Variants in TBC1D22A observed in about 807,000 individuals in gnomAD.
The protein encoded by TBC1D22A is putative GTPase activator.
TBC1D22A carries 38 observed loss-of-function variants against 60.2 expected under a neutral mutation model. That is an observed-to-expected ratio of 0.63 (90% confidence interval 0.49 to 0.83). The LOEUF is 0.83. TBC1D22A is among the 40% of genes least tolerant of loss of function. The pLI, the probability that TBC1D22A is intolerant of heterozygous loss-of-function variation, is 0.00. For synonymous variants in TBC1D22A, 302 were observed against 281.7 expected (o/e 1.07, Z -0.72); for missense variants, 628 against 701.0 (o/e 0.90, Z 1.18).
intron 5 of TBC1D22A, among the ~76,000 whole-genome samples, chr22:46,881,700 A>G (rs979096606): frequency 6.6e-6 from 1 of 152,194 alleles, no homozygotes; most frequent in Non-Finnish European, 1.5e-5. Context: ...GGGACAGGTA[A>G]GGGAGTTGAG....
chr22:47,112,382 G>T (rs2065882741), intron 12 of TBC1D22A, among the ~76,000 whole-genome samples: 1 of 152,206 alleles, frequency 6.6e-6, no homozygotes, highest in South Asian at 2.1e-4. Flanking sequence ...GCTGGCTGGG[G>T]TCAGCCACAC....
chr22:46,866,004 G>A (rs2067034817), intron 4 of TBC1D22A, among the ~76,000 whole-genome samples: 1 of 152,174 alleles, frequency 6.6e-6, no homozygotes, highest in Non-Finnish European at 1.5e-5. Flanking sequence ...GAAACAGAAG[G>A]AGAAACCGTT....
chr22:47,079,417 A>G (rs2064366612), intron 11 of TBC1D22A, among the ~76,000 whole-genome samples: 1 of 152,174 alleles, frequency 6.6e-6, no homozygotes, highest in Admixed American at 6.5e-5. Context: ...GAAAAATTGA[A>G]GTTTCATTTC....
At chr22:46,883,805 C>G (rs576583438) in intron 5 of TBC1D22A, among the ~76,000 whole-genome samples, 2 of 152,214 alleles carry the variant, frequency 1.3e-5, no homozygotes, top group Non-Finnish European at 2.9e-5. Context: ...GCTCTGTTTC[C>G]GGCCTTGCCC....
At chr22:46,839,739 A>C (rs548893505) in intron 4 of TBC1D22A, among the ~76,000 whole-genome samples, 31 of 152,250 alleles carry the variant, frequency 2.0e-4, no homozygotes, top group African/African-American at 2.9e-4. Context: ...ATTGGCATAA[A>C]AACTGACATA....
At chr22:46,941,239 T>TCACACACACA (rs1569247417) in intron 8 of TBC1D22A, among the ~76,000 whole-genome samples, 1 of 73,456 alleles carries the variant, frequency 1.4e-5, no homozygotes, top group African/African-American at 6.1e-5. Context: ...ACACACACAG[T>TCACACACACA]CCACCCTTGA....
At chr22:47,049,618 C>T (rs1427394976) in intron 11 of TBC1D22A, among the ~76,000 whole-genome samples, 1 of 152,228 alleles carries the variant, frequency 6.6e-6, no homozygotes, top group African/African-American at 2.4e-5. Context: ...TCTTTTCCAT[C>T]CTTTTCTACG....
chr22:47,058,269 G>T (rs925085735), intron 11 of TBC1D22A, among the ~76,000 whole-genome samples: 1 of 152,166 alleles, frequency 6.6e-6, no homozygotes, highest in Admixed American at 6.5e-5. Flanking sequence ...TGCCGTGCAG[G>T]CCTGGAGCTG....
At chr22:47,092,456 G>A (rs1363231422) in intron 11 of TBC1D22A, among the ~76,000 whole-genome samples, 1 of 152,202 alleles carries the variant, frequency 6.6e-6, no homozygotes, top group Admixed American at 6.5e-5. Context: ...GAGAGTGAAC[G>A]AGGATGCCCA....
intron 4 of TBC1D22A, among the ~76,000 whole-genome samples, chr22:46,845,067 C>G (rs937586615): frequency 6.6e-6 from 1 of 152,166 alleles, no homozygotes; most frequent in African/African-American, 2.4e-5. Context: ...GTCTTTGATT[C>G]CTGCATTATC....
intron 11 of TBC1D22A, among the ~76,000 whole-genome samples, chr22:47,043,291 G>A (rs1424099345): frequency 1.3e-5 from 2 of 152,192 alleles, no homozygotes; most frequent in Non-Finnish European, 2.9e-5. Flanking sequence ...GGCTTGGAGT[G>A]CCTGGGCCAG....
At chr22:46,851,774 T>TG (rs1742376964) in intron 4 of TBC1D22A, among the ~76,000 whole-genome samples, 1 of 152,276 alleles carries the variant, frequency 6.6e-6, no homozygotes, top group South Asian at 2.1e-4. Context: ...TTGTTGACTG[T>TG]GGTTGGCAGG....
chr22:46,768,346 G>A (rs529615245), intron 1 of TBC1D22A, among the ~76,000 whole-genome samples: 43 of 151,854 alleles, frequency 2.8e-4, no homozygotes, highest in South Asian at 8.3e-4. Context: ...TTAGCCAGGC[G>A]TGGTGGCAGG....
intron 4 of TBC1D22A, among the ~76,000 whole-genome samples, chr22:46,813,958 G>A (rs1329722215): frequency 2.0e-5 from 3 of 152,234 alleles, no homozygotes; most frequent in Non-Finnish European, 4.4e-5. Context: ...ATAGGAGGCT[G>A]AGCCCTGGTG....
chr22:46,883,291 T>C (rs147066972), intron 5 of TBC1D22A, among the ~76,000 whole-genome samples: 3 of 152,362 alleles, frequency 2.0e-5, no homozygotes, highest in Non-Finnish European at 4.4e-5. Context: ...AATTTAGATA[T>C]AAGTATATGC....
At chr22:46,817,329 G>A (rs781328962) in intron 4 of TBC1D22A, among the ~76,000 whole-genome samples, 24 of 151,126 alleles carry the variant, frequency 1.6e-4, no homozygotes, top group African/African-American at 2.0e-4. Flanking sequence ...GGTTTGTTAC[G>A]TAGGTTACGT....
chr22:46,792,401 G>A (rs1476672145), intron 1 of TBC1D22A, 119 bp from the exon 2 acceptor site: 1 of 1,392,900 alleles, frequency 7.2e-7, no homozygotes, highest in Non-Finnish European at 1.0e-6. Context: ...GACAGCCCAT[G>A]AGGAGCTGCT....
At chr22:47,088,420 G>A (rs12106581) in intron 11 of TBC1D22A, among the ~76,000 whole-genome samples, 1,904 of 152,204 alleles carry the variant, frequency 0.013, 37 homozygotes, top group African/African-American at 0.043. Flanking sequence ...GGAAAACAAA[G>A]CATCAGAAAG....
chr22:46,999,595 C>T (rs990176025), intron 10 of TBC1D22A, among the ~76,000 whole-genome samples: 5 of 152,138 alleles, frequency 3.3e-5, no homozygotes, highest in African/African-American at 9.7e-5. Context: ...GTCTCGGCCA[C>T]GTGAAGCTCC....
Sources: gnomAD v4.1 joint callset for allele counts (sites outside exome capture counted in the v4.1 genomes callset) on GRCh38, gnomAD v4.1.1 for gene constraint, MANE v1.5 for transcripts, NCBI Gene and HGNC (gene_info 2026-07-23, HGNC 2026-07-21) for gene names.